The following CEP131 variants were observed in gnomAD, a reference collection of about 807,000 sequenced individuals.
CEP131 encodes centrosomal protein of 131 kDa.
A neutral mutation model predicts 136.8 loss-of-function variants in CEP131; 99 were observed. The observed-to-expected ratio is 0.72, with a 90% confidence interval of 0.62 to 0.86. The LOEUF (loss-of-function observed/expected upper bound fraction) is 0.86, where lower values mean the gene tolerates loss of function less well. Among genes scored for constraint, CEP131 ranks in the 40% least tolerant of loss-of-function variants. The probability of loss-of-function intolerance (pLI) is 0.00; values close to 1 mark genes in which losing one functional copy is unlikely to be tolerated. For synonymous variants in CEP131, 646 were observed against 612.7 expected, an observed-to-expected ratio of 1.05 and a Z score of -0.80; for missense variants, 1,459 against 1,463.0, an observed-to-expected ratio of 1.00 and a Z score of 0.04.
rs189020878 is a variant in CEP131, at chr17:81,206,545, G to A, written c.515+199C>T. Among the ~76,000 whole-genome samples the A allele has an allele frequency of 2.0e-5, 3 of 152,298 alleles. No homozygotes were observed. The East Asian group carries it at 5.8e-4, about 29-fold the overall frequency. ...ACTCTTTAAGAGCAAAGCCTGGGCCGAGAGCCCCTTATGTGCAAGACGCCA... is the reference window on the plus strand; with the variant it reads ...ACTCTTTAAGAGCAAAGCCTGGGCCAAGAGCCCCTTATGTGCAAGACGCCA... On this transcript the variant is annotated intron_variant, in intron 5 of 25. Transcript: ENST00000450824.
In CEP131 at chr17:81,197,906, A is replaced by C; in HGVS notation, c.1471-18T>G. On this transcript the variant is annotated intron_variant, in intron 12 of 25. Transcript: ENST00000450824. ...TCATCCTCCTGTGGGACAGGAGCCC[A>C]GCATCGGGGGCTGTCAGGGCAGCCT... The C allele has an allele frequency of 6.2e-7, 1 of 1,605,600 alleles. No individual in the cohort carries two copies.
intron 17 of CEP131, 28 bp from the exon 18 acceptor site, chr17:81,194,155 C>A: frequency 6.7e-7 from 1 of 1,484,212 alleles, no homozygotes; most frequent in Non-Finnish European, 9.0e-7. Flanking sequence ...GCTAGGGCCA[C>A]GTCCAGCTAG....
Position 81,218,919 on chromosome 17 carries a change from G to A in CEP131, c.177+961C>T, listed in dbSNP as rs550437185. On this transcript the variant is annotated intron_variant, in intron 2 of 25. Coordinates refer to ENST00000450824, the MANE Select transcript of CEP131 (RefSeq NM_014984.4). ...TCTGCCCTGCTATGTTGCCTGGCAC[G>A]GACCTCAGGCAGGGAGCCCCAGACC... 1.1e-4 allele frequency among the ~76,000 whole-genome samples: 16 copies of A among 152,352 alleles called. No homozygotes were observed. In the South Asian group the frequency reaches 2.3e-3, roughly 22 times the overall value.
Position 81,194,917 on chromosome 17 carries a change from T to C in CEP131, c.2072A>G (p.Lys691Arg), listed in dbSNP as rs1174931943. Reference protein sequence around the residue: ...MSATEKARREKWISEKTKKIK... With the variant: ...MSATEKARRERWISEKTKKIK... ...CTTCTTGGTTTTCTCACTGATCCAC[T>C]TCTCCCGGCGGGCTTTCTCGGTGGC... The change falls in exon 17 of 26, where the codon AAG becomes AGG. Residue 691 changes from lysine to arginine, a missense_variant. Physicochemically the swap from Lys to Arg is conservative, Grantham distance 26. Around this residue, in one of 3 missense-constraint regions of CEP131, gnomAD observed 1,026 missense variants for 964.2 expected, o/e 1.06. Coordinates refer to ENST00000450824, the MANE Select transcript of CEP131 (RefSeq NM_014984.4). 6.2e-7 allele frequency: 1 copy of C among 1,613,236 alleles called. No individual in the cohort carries two copies. Among genetic ancestry groups the C allele is most frequent in the African/African-American group, 1.3e-5 (1 of 74,850 alleles).
At chr17:81,200,304 G>T in intron 8 of CEP131, 25 bp downstream of exon 8, 1 of 1,570,034 alleles carries the variant, frequency 6.4e-7, no homozygotes, top group East Asian at 2.3e-5. Context: ...GGGGAGCATG[G>T]AGTGACTGAG....
intron 24 of CEP131, among the ~76,000 whole-genome samples, chr17:81,190,379 A>T (rs1481399364): frequency 3.9e-5 from 6 of 152,072 alleles, no homozygotes; most frequent in Admixed American, 3.9e-4. Context: ...CTCCCTGGAG[A>T]ACTCGCCAGG....
At chr17:81,200,855 G>A (rs1284279507) in intron 7 of CEP131, among the ~76,000 whole-genome samples, 2 of 152,226 alleles carry the variant, frequency 1.3e-5, no homozygotes, top group Non-Finnish European at 2.9e-5. Context: ...GCTCCACAGA[G>A]AGGGTGGTCG....
Position 81,192,588 on chromosome 17 carries a change from C to A in CEP131, c.2435G>T (p.Arg812Leu). Residue 812 changes from arginine (R) to leucine (L), a missense_variant, in exon 20 of 26, where the codon CGG (arginine) becomes CTG (leucine). Arg to Leu is a moderately radical substitution (Grantham distance 102). Around this residue, in one of 3 missense-constraint regions of CEP131, gnomAD observed 1,026 missense variants for 964.2 expected, o/e 1.06. Coordinates refer to ENST00000450824, the MANE Select transcript of CEP131 (RefSeq NM_014984.4). ...ERLGQQAARQ[R>L]AELEELRQQL... The stretch of plus-strand genomic sequence containing the variant: ...CTGCCTCAGCTCTTCCAGCTCCGCC[C>A]GCTGCCTGCGGCCAGGGAGGAGTCA... 3.1e-6 allele frequency: 5 copies of A among 1,602,286 alleles called. No homozygotes were observed. Among genetic ancestry groups the A allele is most frequent in the Non-Finnish European group, 4.2e-6 (5 of 1,176,884 alleles).
chr17:81,208,806 C>G lies in CEP131; in HGVS notation c.272+122G>C. 1 of 754,970 alleles carries G rather than the reference C, an allele frequency of 1.3e-6. No homozygotes were observed. The highest frequency in any genetic ancestry group is 2.1e-6 in the Non-Finnish European group (1 of 465,278). 46.8% of individuals were successfully genotyped at this position (754,970 alleles called of 1,614,324 possible). ...GGTCACTCCAGGCCTCACTAGCCAG[C>G]AAGGGCCCGGGACCCAGGAGGCTGG... On this transcript the variant is annotated intron_variant, in intron 3 of 25. Transcript: ENST00000450824. This position sits in a 1 kb window ranked among gnomAD's most constrained non-coding sequence, Gnocchi z 5.6.
At chr17:81,217,380 G>A (rs962030113) in intron 2 of CEP131, among the ~76,000 whole-genome samples, 1 of 151,970 alleles carries the variant, frequency 6.6e-6, no homozygotes, top group African/African-American at 2.4e-5. Context: ...GAAGGTCTCC[G>A]AGCCAGGGGA....
At position 81,211,195 on chromosome 17, in the gene CEP131, G is replaced by A. The variant is rs766787314; in HGVS notation, c.178-2173C>T. The stretch of plus-strand genomic sequence containing the variant: ...CCCCGTTCTCCACGCTGGGGCCACA[G>A]AGGCCCTGTGCAATTCCTCATTCAA... On this transcript the variant is annotated intron_variant, in intron 2 of 25. Transcript: ENST00000450824. 1.1e-4 allele frequency among the ~76,000 whole-genome samples: 17 copies of A among 152,348 alleles called. No homozygotes were observed. The South Asian group carries it at 3.5e-3, about 32-fold the overall frequency.
chr17:81,203,605 C>T lies in CEP131; in HGVS notation c.518G>A (p.Ser173Asn). The change falls in exon 6 of 26, where the codon AGC (serine) becomes AAC (asparagine). Residue 173 changes from serine (S) to asparagine (N), a missense_variant and splice_region_variant. Coordinates refer to ENST00000450824, the MANE Select transcript of CEP131 (RefSeq NM_014984.4). This position sits in a 1 kb window ranked among gnomAD's most constrained non-coding sequence, Gnocchi z 4.6. The part of the protein sequence containing the change: ...LAPNFTANNR[S>N]NKGAVGNCVT... ...GCAGTTGCCCACTGCTCCCTTGTTG[C>T]TCCTGCCAGGCCGGAAGAGAGACAG... 4 of 1,590,364 alleles carry T rather than the reference C, an allele frequency of 2.5e-6. No individual in the cohort carries two copies. Among genetic ancestry groups the T allele is most frequent in the South Asian group, 1.1e-5 (1 of 87,536 alleles).
intron 5 of CEP131, among the ~76,000 whole-genome samples, chr17:81,205,031 C>T (rs1197982656): frequency 4.6e-5 from 7 of 152,152 alleles, no homozygotes; most frequent in African/African-American, 1.7e-4. Flanking sequence ...GAGGCTGAGG[C>T]GGGTGGATCA....
Position 81,190,697 on chromosome 17 carries a change from C to A in CEP131, c.3049G>T (p.Ala1017Ser). 6.2e-7 allele frequency: 1 copy of A among 1,606,712 alleles called. No homozygotes were observed. The highest frequency in any genetic ancestry group is 8.5e-7 in the Non-Finnish European group (1 of 1,178,264). Residue 1017 changes from alanine (A) to serine (S), a missense_variant, in exon 24 of 26, where the codon GCC (alanine) becomes TCC (serine). Ala to Ser is a moderately conservative substitution (Grantham distance 99, BLOSUM62 1). This residue lies in a region of CEP131 where 1,026 missense variants were observed against 964.2 expected (regional missense o/e 1.06). Coordinates refer to ENST00000450824, the MANE Select transcript of CEP131 (RefSeq NM_014984.4). ...CGGGCCTGCAGCGTGGCCAGCTCGG[C>A]CTTGGCCTGCCGCGTCTCCTCCTCA... ...ASEEETRQAK[A>S]ELATLQARQQ...
rs772622202 is a variant in CEP131, at chr17:81,194,936, C to T, written c.2053G>A (p.Glu685Lys). The T allele has an allele frequency of 1.4e-5, 23 of 1,613,026 alleles. No homozygotes were observed. Among genetic ancestry groups the T allele is most frequent in the Middle Eastern group, 1.7e-4 (1 of 6,054 alleles). The change falls in exon 17 of 26, where the codon GAG becomes AAG. Residue 685 changes from glutamate to lysine, a missense_variant. By Grantham distance (56) the Glu-to-Lys change is moderately conservative. This residue lies in a region of CEP131 where 1,026 missense variants were observed against 964.2 expected (regional missense o/e 1.06). Transcript: ENST00000450824. Reference protein sequence around the residue: ...KKLKELMSATEKARREKWISE... With the variant: ...KKLKELMSATKKARREKWISE... Reference sequence around the variant, plus strand: ...ATCCACTTCTCCCGGCGGGCTTTCTCGGTGGCGCTCATTAATTCTTTGAGT... The same window carrying T: ...ATCCACTTCTCCCGGCGGGCTTTCTTGGTGGCGCTCATTAATTCTTTGAGT...
chr17:81,221,360 T>C (rs2062385303), intron 1 of CEP131, among the ~76,000 whole-genome samples: 1 of 152,108 alleles, frequency 6.6e-6, no homozygotes, highest in South Asian at 2.1e-4. Context: ...ACATGGCACC[T>C]CTTTCTGAAC....
intron 4 of CEP131, 24 bp downstream of exon 4, chr17:81,207,101 G>T (rs372021441): frequency 1.3e-6 from 2 of 1,598,772 alleles, no homozygotes; most frequent in Non-Finnish European, 1.7e-6. Context: ...AGACCAGGAC[G>T]TGGGGCCGCA....
chr17:81,189,903 A>G lies in CEP131; in HGVS notation c.3168+12T>C. On this transcript the variant is annotated intron_variant, in intron 25 of 25. Coordinates refer to ENST00000450824, the MANE Select transcript of CEP131 (RefSeq NM_014984.4). Reference sequence around the variant, plus strand: ...GCCCCGAGGTCCAGCAGGGCTGGCCACAGGGACTCACCTCATGTTGTGTCC... The same window carrying G: ...GCCCCGAGGTCCAGCAGGGCTGGCCGCAGGGACTCACCTCATGTTGTGTCC... The G allele has an allele frequency of 6.2e-7, 1 of 1,612,848 alleles. No homozygotes were observed. The highest frequency in any genetic ancestry group is 2.2e-5 in the East Asian group (1 of 44,874).
chr17:81,220,488 T>G (rs1435325546), intron 1 of CEP131, among the ~76,000 whole-genome samples: 1 of 152,150 alleles, frequency 6.6e-6, no homozygotes, highest in Non-Finnish European at 1.5e-5. Flanking sequence ...ACATTTGATT[T>G]ATTTTTTATT....
Sources: allele counts gnomAD v4.1 joint callset (sites outside exome capture counted in the v4.1 genomes callset), GRCh38; gene constraint gnomAD v4.1.1; regional missense constraint gnomAD v4.1.1; non-coding constraint Gnocchi (gnomAD v3.1); transcripts MANE v1.5; gene names NCBI Gene and HGNC (gene_info 2026-07-23, HGNC 2026-07-21).